The following CA10 variants were observed in gnomAD, a reference collection of about 807,000 sequenced individuals.
The protein encoded by CA10 is carbonic anhydrase 10 (inactive), also known as carbonic anhydrase-related protein 10.
In CA10, 14 loss-of-function variants were observed where a neutral mutation model predicts 44.2. The ratio of observed to expected loss-of-function variants is 0.32; its 90% confidence interval spans 0.21 to 0.50. The LOEUF is 0.50. Among genes scored for constraint, CA10 ranks in the 20% least tolerant of loss-of-function variants. The probability of loss-of-function intolerance (pLI) is 0.99; values close to 1 mark genes in which losing one functional copy is unlikely to be tolerated. For missense variants in CA10, 350 were observed against 409.7 expected, an observed-to-expected ratio of 0.85 and a Z score of 1.26; for synonymous variants, 159 against 141.6, an observed-to-expected ratio of 1.12 and a Z score of -0.87.
intron 4 of CA10, among the ~76,000 whole-genome samples, chr17:51,696,429 T>C (rs1361413246): frequency 6.6e-6 from 1 of 152,170 alleles, no homozygotes; most frequent in Non-Finnish European, 1.5e-5. Context: ...GGGATTGTTG[T>C]AATGTTACCT....
At chr17:51,840,409 A>AGGGCATTTC (rs1333548527) in intron 3 of CA10, among the ~76,000 whole-genome samples, 1 of 151,764 alleles carries the variant, frequency 6.6e-6, no homozygotes, top group Admixed American at 6.6e-5. Flanking sequence ...GCATTATATT[A>AGGGCATTTC]GGGCATTTCT....
intron 3 of CA10, among the ~76,000 whole-genome samples, chr17:51,875,999 T>C (rs943519191): frequency 1.3e-4 from 20 of 152,324 alleles, no homozygotes; most frequent in African/African-American, 4.6e-4. Context: ...GTTCATTTCT[T>C]TTTATTGCTG....
chr17:51,771,447 C>T (rs1354598248), intron 3 of CA10, among the ~76,000 whole-genome samples: 2 of 152,288 alleles, frequency 1.3e-5, no homozygotes, highest in South Asian at 2.1e-4. Flanking sequence ...GCTAAGACTT[C>T]TCCCTATTAT....
chr17:51,993,724 ACCT>A (rs1315574232), intron 2 of CA10, among the ~76,000 whole-genome samples: 1 of 151,988 alleles, frequency 6.6e-6, no homozygotes. Context: ...AAATTTATAC[ACCT>A]CCTCTTCTCA....
At chr17:51,824,652 A>G (rs897883999) in intron 3 of CA10, among the ~76,000 whole-genome samples, 1 of 152,166 alleles carries the variant, frequency 6.6e-6, no homozygotes, top group Non-Finnish European at 1.5e-5. Flanking sequence ...TTAAAACGAT[A>G]ACACCCTGAC....
At chr17:52,017,498 G>T (rs1321311363) in intron 2 of CA10, among the ~76,000 whole-genome samples, 2 of 152,146 alleles carry the variant, frequency 1.3e-5, no homozygotes, top group African/African-American at 2.4e-5. Context: ...ATCCGTGGAA[G>T]TTTGAACTTA....
chr17:52,003,151 C>T (rs1985485147), intron 2 of CA10, among the ~76,000 whole-genome samples: 1 of 151,886 alleles, frequency 6.6e-6, no homozygotes, highest in Admixed American at 6.6e-5. Context: ...TGAATATAGT[C>T]CCATTAACCT....
intron 2 of CA10, among the ~76,000 whole-genome samples, chr17:52,058,566 T>C (rs1378357621): frequency 6.6e-6 from 1 of 152,168 alleles, no homozygotes. Flanking sequence ...GGGACTCTCA[T>C]AAATGAAATG....
At chr17:51,798,559 T>A (rs537989824) in intron 3 of CA10, among the ~76,000 whole-genome samples, 39 of 152,358 alleles carry the variant, frequency 2.6e-4, no homozygotes, top group African/African-American at 8.9e-4. Context: ...TTTTGGCACA[T>A]CTAACTGTGC....
At chr17:52,095,687 G>A (rs774580249) in intron 1 of CA10, among the ~76,000 whole-genome samples, 10 of 152,136 alleles carry the variant, frequency 6.6e-5, no homozygotes, top group Non-Finnish European at 1.0e-4. Flanking sequence ...TGTCTCACCT[G>A]TGTCAGGAAG....
chr17:51,726,007 T>TATAC (rs1213354076), intron 4 of CA10, among the ~76,000 whole-genome samples: 1 of 152,128 alleles, frequency 6.6e-6, no homozygotes, highest in African/African-American at 2.4e-5. Flanking sequence ...AAAGTAGTGA[T>TATAC]GCTGGTGGGG....
At chr17:51,895,487 A>G (rs1320344625) in intron 3 of CA10, among the ~76,000 whole-genome samples, 1 of 152,122 alleles carries the variant, frequency 6.6e-6, no homozygotes, top group East Asian at 1.9e-4. Flanking sequence ...GTTGTACTTC[A>G]GCAAGATAAA....
intron 2 of CA10, among the ~76,000 whole-genome samples, chr17:51,947,920 A>G (rs1272960460): frequency 1.3e-5 from 2 of 152,112 alleles, no homozygotes; most frequent in Non-Finnish European, 2.9e-5. Context: ...GATATCAGCA[A>G]GGCTCAAAAA....
intron 2 of CA10, among the ~76,000 whole-genome samples, chr17:52,016,359 T>C (rs1014357085): frequency 6.6e-6 from 1 of 152,176 alleles, no homozygotes; most frequent in African/African-American, 2.4e-5. Context: ...ATTAACTCTA[T>C]ATTTCCAGTG....
At chr17:52,048,122 G>A (rs1302771214) in intron 2 of CA10, among the ~76,000 whole-genome samples, 1 of 151,842 alleles carries the variant, frequency 6.6e-6, no homozygotes, top group Admixed American at 6.6e-5. Context: ...GCCAAACTGG[G>A]GGAAAAAATG....
At chr17:52,032,437 A>C (rs945435825) in intron 2 of CA10, among the ~76,000 whole-genome samples, 3 of 152,142 alleles carry the variant, frequency 2.0e-5, no homozygotes, top group Non-Finnish European at 4.4e-5. Context: ...ACTTAATCTA[A>C]TTATCTCATG....
intron 3 of CA10, among the ~76,000 whole-genome samples, chr17:51,884,097 C>G (rs1294093228): frequency 1.3e-5 from 2 of 152,106 alleles, no homozygotes; most frequent in African/African-American, 4.8e-5. Flanking sequence ...GTTGACTCTA[C>G]CTTCAAATTA....
At position 52,052,056 on chromosome 17, in the gene CA10, C is replaced by T. The variant is rs181750830; in HGVS notation, c.136+20263G>A. Among the ~76,000 whole-genome samples the T allele has an allele frequency of 1.2e-3, 184 of 151,936 alleles. 5 individuals are homozygous for T. In the South Asian group the frequency reaches 0.023, roughly 19 times the overall value. ...GAAAATCACATACTTCATATTCTCA[C>T]TTATAAGTGGGAGCTAAATGATGAA... On this transcript the variant is annotated intron_variant, in intron 2 of 8. Transcript: ENST00000451037.
chr17:51,686,970 T>A (rs1263953), intron 4 of CA10, among the ~76,000 whole-genome samples: 64,416 of 151,986 alleles, frequency 0.42, 14,105 homozygotes, highest in African/African-American at 0.53. Context: ...ATCTGCTTAC[T>A]TTTGGCTCTT....
Sources: gnomAD v4.1 joint callset for allele counts (sites outside exome capture counted in the v4.1 genomes callset) on GRCh38, gnomAD v4.1.1 for gene constraint, MANE v1.5 for transcripts, NCBI Gene and HGNC (gene_info 2026-07-23, HGNC 2026-07-21) for gene names.